The following ANKH variants were observed in gnomAD, a reference collection of about 807,000 sequenced individuals.
The protein encoded by ANKH is ANKH inorganic pyrophosphate transport regulator.
Under a neutral mutation model 49.0 loss-of-function variants are expected in ANKH, and 15 were observed. The ratio of observed to expected loss-of-function variants is 0.31; its 90% CI spans 0.20 to 0.47. The LOEUF (loss-of-function observed/expected upper bound fraction) is 0.47, where lower values mean the gene tolerates loss of function less well. Ranked by LOEUF, ANKH falls within the 20% of genes least tolerant of loss-of-function variation. The pLI is 1.00. For synonymous variants in ANKH, 273 were observed against 260.0 expected (o/e 1.05, Z -0.48); for missense variants, 429 against 652.0 (o/e 0.66, Z 3.72).
chr5:14,813,519 G>A (rs1198847465), intron 1 of ANKH, among the ~76,000 whole-genome samples: 1 of 152,078 alleles, frequency 6.6e-6, no homozygotes, highest in African/African-American at 2.4e-5. Flanking sequence ...ATTAAAATAT[G>A]CAACAGTGTC....
chr5:14,843,821 G>T (rs1404772482), intron 1 of ANKH, among the ~76,000 whole-genome samples: 6 of 152,118 alleles, frequency 3.9e-5, no homozygotes, highest in African/African-American at 4.8e-5. Context: ...TTACAATAAA[G>T]AAATCTCGAC....
intron 1 of ANKH, among the ~76,000 whole-genome samples, chr5:14,851,332 C>G (rs2126621667): frequency 6.6e-6 from 1 of 152,306 alleles, no homozygotes; most frequent in African/African-American, 2.4e-5. Context: ...AGAAGCTCTG[C>G]ACAGAAGTGC....
intron 9 of ANKH, among the ~76,000 whole-genome samples, chr5:14,715,172 C>T (rs1004382476): frequency 5.9e-5 from 9 of 152,122 alleles, no homozygotes; most frequent in Non-Finnish European, 1.2e-4. Context: ...ACTCTTATTG[C>T]AGAGGCTGGA....
intron 1 of ANKH, among the ~76,000 whole-genome samples, chr5:14,772,671 T>C (rs1739481805): frequency 6.6e-6 from 1 of 152,220 alleles, no homozygotes; most frequent in Admixed American, 6.5e-5. Context: ...CCTCCTCCTA[T>C]CTATGTGCGA....
chr5:14,718,835 C>CA (rs199630780), intron 8 of ANKH, among the ~76,000 whole-genome samples: 26 of 144,582 alleles, frequency 1.8e-4, no homozygotes, highest in Non-Finnish European at 2.7e-4. Context: ...CACCACCCCC[C>CA]CCCCAAAAAA....
At chr5:14,765,783 G>A (rs1021283418) in intron 2 of ANKH, among the ~76,000 whole-genome samples, 28 of 152,118 alleles carry the variant, frequency 1.8e-4, no homozygotes, top group Admixed American at 2.0e-4. Context: ...ATCCTGCTGC[G>A]ACCCATTAAC....
intron 8 of ANKH, among the ~76,000 whole-genome samples, chr5:14,726,700 A>C (rs1273928918): frequency 6.6e-6 from 1 of 152,212 alleles, no homozygotes; most frequent in Non-Finnish European, 1.5e-5. Context: ...AAATGGAATG[A>C]CATGGAATTC....
Position 14,769,061 on chromosome 5 carries a change from AAC to A in ANKH, c.225_226del (p.Phe76CysfsTer31). On this transcript the variant is annotated frameshift_variant, in exon 2 of 12. Coordinates refer to ENST00000284268, the MANE Select transcript of ANKH (RefSeq NM_054027.6). LOFTEE classifies it high-confidence loss of function. ...GGTCCTGTCTCTCTTGCTGTTCACA[AAC>A]ACCAGGCCCACATTTTTGAAGTCAC... 1 of 1,614,206 alleles carries A rather than the reference AAC, an allele frequency of 6.2e-7. No homozygotes were observed. Among genetic ancestry groups the A allele is most frequent in the Non-Finnish European group, 8.5e-7 (1 of 1,180,044 alleles).
rs1310422692 is a variant in ANKH, at chr5:14,725,838, CG to C, written c.1012-9004del. Among the ~76,000 whole-genome samples the C allele has an allele frequency of 6.6e-6, 1 of 152,202 alleles. No homozygotes were observed. The highest frequency in any genetic ancestry group is 1.5e-5 in the Non-Finnish European group (1 of 68,036). ...TTGGCTCACTGCAATCTCCGCTTCC[CG>C]GGTTCAAGAGATTCTCCCGCCTCAG... On this transcript the variant is annotated intron_variant, in intron 8 of 11. Coordinates refer to ENST00000284268, the MANE Select transcript of ANKH (RefSeq NM_054027.6). The surrounding 1 kb of genome is among the most constrained non-coding windows in gnomAD (Gnocchi z 4.0).
At chr5:14,794,297 T>C (rs995984992) in intron 1 of ANKH, among the ~76,000 whole-genome samples, 1 of 152,258 alleles carries the variant, frequency 6.6e-6, no homozygotes, top group Non-Finnish European at 1.5e-5. Flanking sequence ...TGCAGCTTCC[T>C]GTGTGCCCAG....
chr5:14,718,410 TACAG>T (rs552449670), intron 8 of ANKH, among the ~76,000 whole-genome samples: 252 of 149,922 alleles, frequency 1.7e-3, no homozygotes, highest in African/African-American at 6.0e-3. Flanking sequence ...ACAAAGATAA[TACAG>T]AAAGAGAGAA....
intron 1 of ANKH, among the ~76,000 whole-genome samples, chr5:14,832,999 TTTCA>T (rs1741546983): frequency 6.6e-6 from 1 of 152,230 alleles, no homozygotes; most frequent in South Asian, 2.1e-4. Flanking sequence ...TGCTGAATGT[TTTCA>T]ATTTCTTGAT....
At chr5:14,748,997 C>A (rs1233081760) in intron 6 of ANKH, among the ~76,000 whole-genome samples, 175 bp downstream of exon 6, 1 of 152,216 alleles carries the variant, frequency 6.6e-6, no homozygotes, top group Non-Finnish European at 1.5e-5. Context: ...TAAAAATATA[C>A]AATTACATGA....
intron 5 of ANKH, 59 bp from the exon 6 acceptor site, chr5:14,749,365 G>A (rs1266036972): frequency 7.6e-6 from 12 of 1,581,754 alleles, no homozygotes; most frequent in Middle Eastern, 1.7e-4. Flanking sequence ...TGGAAAAAAC[G>A]ATTCAGAATC....
chr5:14,816,478 C>A (rs1206699969), intron 1 of ANKH, among the ~76,000 whole-genome samples: 2 of 151,930 alleles, frequency 1.3e-5, no homozygotes, highest in African/African-American at 2.4e-5. Context: ...AGGAACAGGA[C>A]CCAGCATGAG....
Position 14,707,811 on chromosome 5 carries a change from C to T in ANKH, c.*3386G>A, listed in dbSNP as rs368727070. 3.3e-5 allele frequency: 5 copies of T among 152,162 alleles called. No individual in the cohort carries two copies. In the East Asian group the frequency reaches 7.7e-4, roughly 23 times the overall value. 9.4% of individuals were successfully genotyped at this position (152,162 alleles called of 1,614,324 possible). A position where few individuals can be genotyped will look rare whatever the true frequency, so the allele number is the denominator to read the frequency against. On this transcript the variant is annotated 3_prime_UTR_variant, in exon 12 of 12. Coordinates refer to ENST00000284268, the MANE Select transcript of ANKH (RefSeq NM_054027.6). ...GGGAATCGGCTATCCAGGACATTTCCAAGCCAAACTACCAGCTAATGCTAA... is the reference window on the plus strand; with the variant it reads ...GGGAATCGGCTATCCAGGACATTTCTAAGCCAAACTACCAGCTAATGCTAA...
intron 1 of ANKH, chr5:14,798,221 A>C: frequency 6.3e-7 from 1 of 1,598,186 alleles, no homozygotes; most frequent in Middle Eastern, 1.7e-4. Flanking sequence ...GAAGGCTGAA[A>C]TCTTTCCCTT....
chr5:14,731,964 A>G (rs1738019137), intron 8 of ANKH, among the ~76,000 whole-genome samples: 1 of 152,228 alleles, frequency 6.6e-6, no homozygotes, highest in Admixed American at 6.5e-5. Context: ...AACAGGGGTC[A>G]TGACGGGTCC....
chr5:14,775,185 AGTGGCT>A (rs1210632960), intron 1 of ANKH, among the ~76,000 whole-genome samples: 1 of 151,994 alleles, frequency 6.6e-6, no homozygotes, highest in Non-Finnish European at 1.5e-5. Context: ...CAGCCTCCTG[AGTGGCT>A]GGGACTACAG....
Sources: allele counts gnomAD v4.1 joint callset (sites outside exome capture counted in the v4.1 genomes callset), GRCh38; gene constraint gnomAD v4.1.1; non-coding constraint Gnocchi (gnomAD v3.1); transcripts MANE v1.5; gene names NCBI Gene and HGNC (gene_info 2026-07-23, HGNC 2026-07-21).